ANKRD55: variants seen among roughly 807,000 people sequenced by gnomAD.
ANKRD55 encodes the protein ankyrin repeat domain 55.
Under a neutral mutation model 60.6 loss-of-function variants are expected in ANKRD55, and 41 were observed. The observed-to-expected ratio is 0.68, with a 90% CI of 0.53 to 0.88. The LOEUF (loss-of-function observed/expected upper bound fraction) is 0.88. ANKRD55 is among the 40% of genes least tolerant of loss of function. The pLI is 0.00. For missense variants in ANKRD55, 732 were observed against 767.6 expected (o/e 0.95, Z 0.55); for synonymous variants, 264 against 290.3 (o/e 0.91, Z 0.92).
intron 4 of ANKRD55, among the ~76,000 whole-genome samples, chr5:56,171,694 G>C (rs553628482): frequency 2.0e-5 from 3 of 152,214 alleles, no homozygotes; most frequent in South Asian, 4.2e-4. Flanking sequence ...AGAATAATAG[G>C]ATAACCCTCT....
At chr5:56,224,663 C>T (rs1459966332) in intron 2 of ANKRD55, among the ~76,000 whole-genome samples, 1 of 152,042 alleles carries the variant, frequency 6.6e-6, no homozygotes, top group Non-Finnish European at 1.5e-5. Flanking sequence ...CACCACTGAT[C>T]CCACAGAGAT....
chr5:56,180,834 G>C (rs56070770), intron 3 of ANKRD55, among the ~76,000 whole-genome samples: 25,702 of 152,184 alleles, frequency 0.17, 4,002 homozygotes, highest in African/African-American at 0.41. Flanking sequence ...TATGTTGGTA[G>C]GTTCCTTAGG....
rs185203498 is a variant in ANKRD55, at chr5:56,198,992, A to G, written c.59-15358T>C. 3.8e-3 allele frequency among the ~76,000 whole-genome samples: 583 copies of G among 152,198 alleles called. 2 individuals carry two copies. Among genetic ancestry groups the G allele is most frequent in the African/African-American group, 0.012 (496 of 41,518 alleles). ...CTACTCAGGAGGCTGAGGCAGGAGA[A>G]TGGTGTGAAGCCGGGTGGCAGAGCT... On this transcript the variant is annotated intron_variant, in intron 2 of 11. Transcript: ENST00000341048.
intron 2 of ANKRD55, among the ~76,000 whole-genome samples, chr5:56,187,702 G>A (rs1581009816): frequency 2.0e-5 from 3 of 152,350 alleles, no homozygotes; most frequent in African/African-American, 4.8e-5. Flanking sequence ...AACTGCCTGG[G>A]TTCATCCTAA....
chr5:56,159,163 C>T (rs184097319), intron 6 of ANKRD55, among the ~76,000 whole-genome samples: 29 of 152,170 alleles, frequency 1.9e-4, no homozygotes, highest in African/African-American at 6.5e-4. Flanking sequence ...CCATCTTACA[C>T]GAGAGAGCAT....
At chr5:56,198,087 C>T (rs1422300901) in intron 2 of ANKRD55, among the ~76,000 whole-genome samples, 1 of 152,088 alleles carries the variant, frequency 6.6e-6, no homozygotes, top group Non-Finnish European at 1.5e-5. Flanking sequence ...TCTAGTTACT[C>T]TTAAATGCTG....
At chr5:56,149,369 G>A (rs1020059294) in intron 6 of ANKRD55, among the ~76,000 whole-genome samples, 6 of 151,974 alleles carry the variant, frequency 3.9e-5, no homozygotes, top group South Asian at 4.1e-4. Flanking sequence ...TAATATGTCT[G>A]ACATTTTTAA....
chr5:56,160,187 C>A (rs1758291782), intron 5 of ANKRD55, among the ~76,000 whole-genome samples: 1 of 152,136 alleles, frequency 6.6e-6, no homozygotes, highest in Admixed American at 6.5e-5. Flanking sequence ...GTTCACCAGG[C>A]CTCTGTCTCC....
intron 9 of ANKRD55, among the ~76,000 whole-genome samples, chr5:56,114,015 T>TATAC (rs1554036688): frequency 5.3e-5 from 7 of 132,124 alleles, no homozygotes; most frequent in South Asian, 2.4e-4. Context: ...TATATATATA[T>TATAC]ACAATAAAAA....
rs987689903 is a variant in ANKRD55, at chr5:56,183,440, G to C, written c.181+72C>G. 5.9e-5 allele frequency: 93 copies of C among 1,576,826 alleles called. No individual in the cohort carries two copies. The African/African-American group carries it at 8.4e-4, about 14-fold the overall frequency. Reference sequence around the variant, plus strand: ...GGTCAGATATACATTTATTAACATTGCTCATGTCTGAAGGCCATCTCTAAA... The same window carrying C: ...GGTCAGATATACATTTATTAACATTCCTCATGTCTGAAGGCCATCTCTAAA... On this transcript the variant is annotated intron_variant, in intron 3 of 11. Coordinates refer to ENST00000341048, the MANE Select transcript of ANKRD55 (RefSeq NM_024669.3).
intron 6 of ANKRD55, among the ~76,000 whole-genome samples, chr5:56,151,580 A>C: frequency 6.6e-6 from 1 of 152,092 alleles, no homozygotes. Flanking sequence ...TGGGAGGCCG[A>C]GGCAGGTGGA....
intron 2 of ANKRD55, chr5:56,193,384 C>G (rs1457085156): frequency 3.0e-6 from 2 of 670,372 alleles, no homozygotes; most frequent in African/African-American, 3.7e-5. Context: ...TAAAGGTTAT[C>G]TACCTAGAAC....
chr5:56,195,284 A>G (rs1428825141), intron 2 of ANKRD55, among the ~76,000 whole-genome samples: 1 of 152,088 alleles, frequency 6.6e-6, no homozygotes, highest in African/African-American at 2.4e-5. Flanking sequence ...GAACATTTTT[A>G]TTTTTATTAT....
rs945219563 is a variant in ANKRD55, at chr5:56,231,672, C to T, written c.58+1184G>A. Among the ~76,000 whole-genome samples, 555 of 151,060 alleles carry T rather than the reference C, an allele frequency of 3.7e-3. 2 individuals are homozygous for T. The highest frequency in any genetic ancestry group is 0.011 in the African/African-American group (470 of 40,994). On this transcript the variant is annotated intron_variant, in intron 2 of 11. Coordinates refer to ENST00000341048, the MANE Select transcript of ANKRD55 (RefSeq NM_024669.3). ...AGGCGCGCACACACACACACACACA[C>T]ACACACACACACACACACACACACA...
At chr5:56,200,030 C>G (rs1181667081) in intron 2 of ANKRD55, among the ~76,000 whole-genome samples, 1 of 152,038 alleles carries the variant, frequency 6.6e-6, no homozygotes, top group Non-Finnish European at 1.5e-5. Flanking sequence ...TCCGTAAAAG[C>G]CTGGAAGAAC....
intron 2 of ANKRD55, among the ~76,000 whole-genome samples, chr5:56,222,744 AG>A (rs1759999805): frequency 6.6e-6 from 1 of 152,244 alleles, no homozygotes; most frequent in Admixed American, 6.5e-5. Context: ...ACTGGAAGAA[AG>A]GGTATCAGTG....
intron 2 of ANKRD55, among the ~76,000 whole-genome samples, chr5:56,230,004 C>T (rs950850120): frequency 1.3e-5 from 2 of 152,176 alleles, no homozygotes; most frequent in Non-Finnish European, 2.9e-5. Flanking sequence ...GAGAACTTCC[C>T]AAGGAGTGTT....
At chr5:56,111,827 G>A (rs930438946) in intron 9 of ANKRD55, 45 bp from the exon 10 acceptor site, 11 of 1,433,690 alleles carry the variant, frequency 7.7e-6, no homozygotes, top group Non-Finnish European at 1.0e-5. Context: ...AGTATGGGAA[G>A]TAGAGACATC....
chr5:56,106,801 T>A lies in ANKRD55; in HGVS notation c.1631-4215A>T, dbSNP rs529854134. On this transcript the variant is annotated intron_variant, in intron 10 of 11. Transcript: ENST00000341048. ...TGGGAGGATTGCTTGAGGCCAGGGG[T>A]TCTAGACTAGTCTGGGTAACAAAGT... Among the ~76,000 whole-genome samples, 4 of 151,932 alleles carry A rather than the reference T, an allele frequency of 2.6e-5. No individual in the cohort carries two copies. The East Asian group carries it at 7.8e-4, about 30-fold the overall frequency.
Sources: allele counts gnomAD v4.1 joint callset (sites outside exome capture counted in the v4.1 genomes callset), GRCh38; gene constraint gnomAD v4.1.1; transcripts MANE v1.5; gene names NCBI Gene and HGNC (gene_info 2026-07-23, HGNC 2026-07-21).